The following DST variants were observed in gnomAD, a reference collection of about 807,000 sequenced individuals.
DST encodes the protein dystonin.
A neutral mutation model predicts 875.2 loss-of-function variants in DST; 253 were observed. The observed-to-expected ratio is 0.29, with a 90% CI of 0.26 to 0.32. DST has a LOEUF of 0.32. Ranked by LOEUF, DST falls within the 10% of genes least tolerant of loss-of-function variation. DST has a pLI of 1.00. For synonymous variants in DST, 3,124 were observed against 3,197.1 expected, an observed-to-expected ratio of 0.98 and a Z score of 0.77; for missense variants, 8,287 against 9,111.6, an observed-to-expected ratio of 0.91 and a Z score of 3.68.
intron 3 of DST, among the ~76,000 whole-genome samples, chr6:56,855,013 C>A (rs867830981): frequency 6.6e-6 from 1 of 152,218 alleles, no homozygotes; most frequent in Middle Eastern, 3.4e-3. Context: ...AACAAGGGGG[C>A]AGAGTAATTA....
chr6:56,487,276 A>G lies in DST; in HGVS notation c.20878-3T>C, dbSNP rs961527038. 2.0e-5 allele frequency: 31 copies of G among 1,542,272 alleles called. No homozygotes were observed. Among genetic ancestry groups the G allele is most frequent in the Non-Finnish European group, 2.6e-5 (30 of 1,144,340 alleles). On this transcript the variant is annotated splice_polypyrimidine_tract_variant and splice_region_variant and intron_variant, in intron 86 of 103. Transcript: ENST00000680361. ...GCTCCGAGTGATTTCTGAAACTCCTAAATATTTAACAAGAAAAAAATGCGA... is the reference window on the plus strand; with the variant it reads ...GCTCCGAGTGATTTCTGAAACTCCTGAATATTTAACAAGAAAAAAATGCGA...
chr6:56,684,990 C>A (rs1317837808), intron 9 of DST, among the ~76,000 whole-genome samples: 3 of 125,394 alleles, frequency 2.4e-5, no homozygotes, highest in Non-Finnish European at 5.0e-5. Flanking sequence ...AGCCCCCACC[C>A]ACCCCCCCAC....
chr6:56,644,124 T>C (rs983647362), intron 15 of DST, among the ~76,000 whole-genome samples: 1 of 152,194 alleles, frequency 6.6e-6, no homozygotes, highest in Admixed American at 6.5e-5. Context: ...TATGAACATA[T>C]CTTAAAATTC....
intron 2 of DST, among the ~76,000 whole-genome samples, chr6:56,917,463 G>A (rs1176646084): frequency 1.3e-5 from 2 of 152,206 alleles, no homozygotes; most frequent in African/African-American, 4.8e-5. Context: ...CTTTGACAAT[G>A]CATTACATGG....
At chr6:56,635,282 A>G (rs1041479175) in intron 24 of DST, among the ~76,000 whole-genome samples, 8 of 152,176 alleles carry the variant, frequency 5.3e-5, no homozygotes, top group African/African-American at 1.9e-4. Flanking sequence ...GTAGCTCTAG[A>G]ACCTAAAACA....
At chr6:56,790,701 T>C (rs1312451328) in intron 4 of DST, among the ~76,000 whole-genome samples, 1 of 152,198 alleles carries the variant, frequency 6.6e-6, no homozygotes, top group Non-Finnish European at 1.5e-5. Context: ...TACTACCTTA[T>C]TTTCAAAATT....
intron 10 of DST, 128 bp from the exon 11 acceptor site, chr6:56,651,372 A>G: frequency 1.8e-6 from 1 of 556,686 alleles, no homozygotes; most frequent in Non-Finnish European, 3.1e-6. Flanking sequence ...TAAAATGCAG[A>G]GACTTTCATC....
At chr6:56,603,177 A>T in intron 42 of DST, 28 bp downstream of exon 42, 5 of 1,566,374 alleles carry the variant, frequency 3.2e-6, no homozygotes, top group Non-Finnish European at 4.3e-6. Flanking sequence ...TTTCTTCATA[A>T]ATCAAAATTT....
Position 56,578,877 on chromosome 6 carries a change from C to T in DST, c.12964G>A (p.Glu4322Lys), listed in dbSNP as rs750223140. ...VAVEKLKKTA[E>K]VLLDARGSLL... Reference sequence around the variant, plus strand: ...GATCCCCTGGCATCTAAAAGCACTTCAGCCGTTTTCTTCAGTTTCTCTACA... The same window carrying T: ...GATCCCCTGGCATCTAAAAGCACTTTAGCCGTTTTCTTCAGTTTCTCTACA... The change falls in exon 50 of 104, where the codon GAA becomes AAA. Residue 4322 changes from glutamate to lysine, a missense_variant. Physicochemically the swap from Glu to Lys is moderately conservative, Grantham distance 56 (BLOSUM62 1). Transcript: ENST00000680361. The T allele has an allele frequency of 6.2e-7, 1 of 1,609,626 alleles. No homozygotes were observed. Among genetic ancestry groups the T allele is most frequent in the South Asian group, 1.1e-5 (1 of 89,912 alleles).
At chr6:56,507,406 C>T (rs1415577543) in intron 75 of DST, among the ~76,000 whole-genome samples, 2 of 152,118 alleles carry the variant, frequency 1.3e-5, no homozygotes, top group Non-Finnish European at 2.9e-5. Flanking sequence ...ATGGCTATTC[C>T]CCTCAAGGGG....
intron 49 of DST, among the ~76,000 whole-genome samples, chr6:56,586,942 A>G (rs1486875694): frequency 5.9e-5 from 9 of 152,234 alleles, no homozygotes; most frequent in Admixed American, 5.9e-4. Flanking sequence ...AAAAGTAGAT[A>G]AAACCACAAA....
At position 56,716,544 on chromosome 6, in the gene DST, A is replaced by G. The variant is rs527388915; in HGVS notation, c.688-12175T>C. Among the ~76,000 whole-genome samples the G allele has an allele frequency of 8.8e-4, 134 of 152,332 alleles. 1 individual carries two copies. The highest frequency in any genetic ancestry group is 3.0e-3 in the African/African-American group (126 of 41,578). ...AAAACTTAACAATACGAGCATTTAAACCCAATCTAAAAATAGGCAAAGAGA... is the reference window on the plus strand; with the variant it reads ...AAAACTTAACAATACGAGCATTTAAGCCCAATCTAAAAATAGGCAAAGAGA... On this transcript the variant is annotated intron_variant, in intron 5 of 103. Coordinates refer to ENST00000680361, the MANE Select transcript of DST (RefSeq NM_001374736.1).
chr6:56,459,705 A>G (rs145489158), intron 103 of DST, among the ~76,000 whole-genome samples: 96 of 152,294 alleles, frequency 6.3e-4, no homozygotes, highest in Non-Finnish European at 1.1e-3. Flanking sequence ...TGGAAACTTT[A>G]AAGAGGCTTC....
chr6:56,553,132 A>T lies in DST; in HGVS notation c.15660T>A (p.Gly5220=). 1.2e-6 allele frequency: 2 copies of T among 1,613,966 alleles called. No individual in the cohort carries two copies. Among genetic ancestry groups the T allele is most frequent in the South Asian group, 2.2e-5 (2 of 91,088 alleles). Residue 5220 remains glycine, a synonymous_variant, in exon 61 of 104, where the codon GGT becomes GGA. Transcript: ENST00000680361. ...SLQKEMDQHF[G]MVELLNNTAN... is the part of the protein sequence containing the mutation. ...CTGTGTTGTTCAGTAATTCTACCAT[A>T]CCAAAGTGTTGGTCCATTTCCTTCT... is the stretch of plus-strand genomic sequence containing the variant.
chr6:56,636,038 TTTTAGAAGTTAAATGG>T (rs2098821020), intron 23 of DST, among the ~76,000 whole-genome samples: 1 of 152,116 alleles, frequency 6.6e-6, no homozygotes, highest in African/African-American at 2.4e-5. Flanking sequence ...ACTTCTATGG[TTTTAGAAGTTAAATGG>T]TTATAGATGG....
At chr6:56,814,108 T>C (rs2099763856) in intron 4 of DST, among the ~76,000 whole-genome samples, 1 of 152,120 alleles carries the variant, frequency 6.6e-6, no homozygotes, top group South Asian at 2.1e-4. Flanking sequence ...AAAGCAGTAA[T>C]TGTGATGGTC....
At chr6:56,682,177 G>A (rs778204967) in intron 9 of DST, among the ~76,000 whole-genome samples, 2 of 151,942 alleles carry the variant, frequency 1.3e-5, no homozygotes, top group African/African-American at 2.4e-5. Flanking sequence ...TTACTTCTTC[G>A]TATGTTTGTT....
intron 2 of DST, among the ~76,000 whole-genome samples, chr6:56,932,265 A>G (rs1446542922): frequency 6.6e-6 from 1 of 152,138 alleles, no homozygotes; most frequent in Non-Finnish European, 1.5e-5. Flanking sequence ...TCTTGCCACC[A>G]ACATGTAAGA....
intron 2 of DST, among the ~76,000 whole-genome samples, chr6:56,938,108 C>CTCTCTCTCTCTCTCTATA (rs1383243392): frequency 2.5e-4 from 30 of 120,748 alleles, no homozygotes; most frequent in African/African-American, 9.4e-4. Flanking sequence ...CTCTCTCTCT[C>CTCTCTCTCTCTCTCTATA]TATATATATA....
Sources: allele counts gnomAD v4.1 joint callset (sites outside exome capture counted in the v4.1 genomes callset), GRCh38; gene constraint gnomAD v4.1.1; transcripts MANE v1.5; gene names NCBI Gene and HGNC (gene_info 2026-07-23, HGNC 2026-07-21).